Variants in CDH12 observed in about 807,000 individuals in gnomAD.
CDH12 encodes the protein cadherin-12.
A neutral mutation model predicts 74.1 loss-of-function variants in CDH12; 41 were observed. That is an observed-to-expected ratio of 0.55 (90% CI 0.43 to 0.72). The LOEUF (loss-of-function observed/expected upper bound fraction) is 0.72. Ranked by LOEUF, CDH12 falls within the 30% of genes least tolerant of loss-of-function variation. The pLI, the probability that CDH12 is intolerant of heterozygous loss-of-function variation, is 0.00. For missense variants in CDH12, 945 were observed against 977.2 expected, an observed-to-expected ratio of 0.97 and a Z score of 0.44; for synonymous variants, 399 against 355.0, an observed-to-expected ratio of 1.12 and a Z score of -1.39.
At chr5:22,433,673 C>A (rs1000362054) in intron 2 of CDH12, among the ~76,000 whole-genome samples, 4 of 152,064 alleles carry the variant, frequency 2.6e-5, no homozygotes, top group Non-Finnish European at 4.4e-5. Flanking sequence ...ACATGGTAAT[C>A]TTTATTCTAT....
chr5:22,690,207 TC>T (rs1435780970), intron 1 of CDH12, among the ~76,000 whole-genome samples: 1 of 152,118 alleles, frequency 6.6e-6, no homozygotes, highest in Non-Finnish European at 1.5e-5. Flanking sequence ...CCATGAAACA[TC>T]TTTTTGTTTG....
At chr5:21,928,590 G>A (rs551562366) in intron 6 of CDH12, among the ~76,000 whole-genome samples, 1 of 152,282 alleles carries the variant, frequency 6.6e-6, no homozygotes, top group Non-Finnish European at 1.5e-5. Context: ...GAGGATTAGA[G>A]TTTATCAGCC....
intron 10 of CDH12, among the ~76,000 whole-genome samples, chr5:21,796,176 C>G (rs1339018712): frequency 6.6e-6 from 1 of 151,960 alleles, no homozygotes; most frequent in East Asian, 1.9e-4. Flanking sequence ...TACATCTCAA[C>G]AAACCCATCA....
Position 22,823,240 on chromosome 5 carries a change from G to C in CDH12, c.-523+29818C>G, listed in dbSNP as rs187336686. On this transcript the variant is annotated intron_variant, in intron 1 of 14. Coordinates refer to ENST00000382254, the MANE Select transcript of CDH12 (RefSeq NM_004061.5). ...ACACTCCGGGGACTGTTGTGAGGTG[G>C]GGGGAGGGGGGAGGGATAGCATTAG... Among the ~76,000 whole-genome samples, 1,192 of 146,710 alleles carry C rather than the reference G, an allele frequency of 8.1e-3. 28 individuals carry two copies. The highest frequency in any genetic ancestry group is 0.029 in the African/African-American group (1,140 of 39,358).
intron 5 of CDH12, among the ~76,000 whole-genome samples, chr5:21,994,654 A>G (rs1736162319): frequency 6.6e-6 from 1 of 152,152 alleles, no homozygotes; most frequent in East Asian, 1.9e-4. Flanking sequence ...TCATTTATAC[A>G]GTTGGAAACA....
intron 4 of CDH12, among the ~76,000 whole-genome samples, chr5:22,189,412 C>T (rs1233306687): frequency 3.3e-5 from 5 of 151,986 alleles, no homozygotes; most frequent in Non-Finnish European, 7.4e-5. Flanking sequence ...TTAAGAGAAT[C>T]CTTCCTATAG....
intron 1 of CDH12, among the ~76,000 whole-genome samples, chr5:22,631,658 T>TA (rs1355011763): frequency 6.6e-6 from 1 of 152,064 alleles, no homozygotes; most frequent in African/African-American, 2.4e-5. Flanking sequence ...GGGTAACTTA[T>TA]AAAAAGAAGA....
At chr5:22,834,466 T>G (rs988415150) in intron 1 of CDH12, among the ~76,000 whole-genome samples, 2 of 152,170 alleles carry the variant, frequency 1.3e-5, no homozygotes, top group African/African-American at 4.8e-5. Context: ...TGAGCACATT[T>G]ATTATAAAAC....
At chr5:21,994,340 A>G (rs774714655) in intron 5 of CDH12, among the ~76,000 whole-genome samples, 18 of 152,146 alleles carry the variant, frequency 1.2e-4, no homozygotes, top group African/African-American at 4.3e-4. Context: ...TGACAACATC[A>G]TATCAATTCC....
At chr5:22,002,164 G>GA (rs1736643412) in intron 5 of CDH12, among the ~76,000 whole-genome samples, 1 of 152,140 alleles carries the variant, frequency 6.6e-6, no homozygotes, top group South Asian at 2.1e-4. Context: ...AATTTAAAAT[G>GA]AAAAATATTC....
At chr5:22,399,987 T>C (rs1389195151) in intron 3 of CDH12, among the ~76,000 whole-genome samples, 1 of 152,140 alleles carries the variant, frequency 6.6e-6, no homozygotes, top group Non-Finnish European at 1.5e-5. Context: ...CAGAGAACAA[T>C]GATTCCTGTT....
chr5:22,354,168 G>A (rs1580555919), intron 3 of CDH12, among the ~76,000 whole-genome samples: 1 of 152,302 alleles, frequency 6.6e-6, no homozygotes, highest in Admixed American at 6.5e-5. Context: ...TCACATTGGG[G>A]AAGCTTCTGG....
intron 5 of CDH12, among the ~76,000 whole-genome samples, chr5:22,048,959 C>T (rs1740157106): frequency 6.6e-6 from 1 of 151,986 alleles, no homozygotes; most frequent in South Asian, 2.1e-4. Context: ...TCCATTCATA[C>T]TCCAAAAAGA....
intron 5 of CDH12, among the ~76,000 whole-genome samples, chr5:22,065,539 A>G (rs1741498583): frequency 2.0e-5 from 3 of 152,148 alleles, no homozygotes; most frequent in Non-Finnish European, 2.9e-5. Context: ...ACAATGGAAG[A>G]CAAAACTCAA....
chr5:22,091,905 C>A (rs554615773), intron 4 of CDH12, among the ~76,000 whole-genome samples: 1 of 151,884 alleles, frequency 6.6e-6, no homozygotes, highest in South Asian at 2.1e-4. Flanking sequence ...ATGGGTCCAT[C>A]CTGAGTGAAT....
chr5:22,393,252 C>CA (rs1561369540), intron 3 of CDH12, among the ~76,000 whole-genome samples: 1 of 151,532 alleles, frequency 6.6e-6, no homozygotes, highest in South Asian at 2.1e-4. Context: ...ACAATTTTAC[C>CA]AAAAAAAGGA....
At chr5:22,004,823 C>A (rs1259800460) in intron 5 of CDH12, among the ~76,000 whole-genome samples, 1 of 152,088 alleles carries the variant, frequency 6.6e-6, no homozygotes, top group Non-Finnish European at 1.5e-5. Context: ...ACTTTTAGAG[C>A]CCCAATGCCT....
At chr5:22,026,532 CA>C (rs1738369631) in intron 5 of CDH12, among the ~76,000 whole-genome samples, 1 of 152,126 alleles carries the variant, frequency 6.6e-6, no homozygotes, top group Non-Finnish European at 1.5e-5. Flanking sequence ...GGTGGCACCC[CA>C]AATCCAGGAA....
At chr5:22,420,899 C>T (rs945690190) in intron 2 of CDH12, among the ~76,000 whole-genome samples, 31 of 152,166 alleles carry the variant, frequency 2.0e-4, no homozygotes, top group East Asian at 7.8e-4. Context: ...TGAAGAGGTC[C>T]TTCACATCCC....
Sources: gnomAD v4.1 joint callset for allele counts (sites outside exome capture counted in the v4.1 genomes callset) on GRCh38, gnomAD v4.1.1 for gene constraint, MANE v1.5 for transcripts, NCBI Gene and HGNC (gene_info 2026-07-23, HGNC 2026-07-21) for gene names.